The following HEATR1 variants were observed in gnomAD, a reference collection of about 807,000 sequenced individuals.
The protein encoded by HEATR1 is HEAT repeat containing 1, also known as HEAT repeat-containing protein 1.
HEATR1 carries 77 observed loss-of-function variants against 248.2 expected under a neutral mutation model. The ratio of observed to expected loss-of-function variants is 0.31; its 90% CI spans 0.26 to 0.37. The LOEUF (loss-of-function observed/expected upper bound fraction) is 0.37. Among genes scored for constraint, HEATR1 ranks in the 10% least tolerant of loss-of-function variants. The probability of loss-of-function intolerance (pLI) is 1.00; values close to 1 mark genes in which losing one functional copy is unlikely to be tolerated. For synonymous variants in HEATR1, 897 were observed against 923.1 expected, an observed-to-expected ratio of 0.97 and a Z score of 0.51; for missense variants, 2,420 against 2,504.9, an observed-to-expected ratio of 0.97 and a Z score of 0.72.
In HEATR1 at chr1:236,565,968, G is replaced by A; in HGVS notation, c.4386C>T (p.Ser1462=). The A allele has an allele frequency of 6.2e-7, 1 of 1,613,874 alleles. No individual in the cohort carries two copies. The highest frequency in any genetic ancestry group is 8.5e-7 in the Non-Finnish European group (1 of 1,179,854). ...GTAAGTACTGGAGGATATTCATCAA[G>A]CTTTGTATCTGATGCTGGACACTAA... ...CEFSVQHQIQ[S]LMNILQYLLK... The change falls in exon 31 of 45, where the codon AGC becomes AGT. Residue 1462 remains serine (S), a synonymous_variant. Coordinates refer to ENST00000366582, the MANE Select transcript of HEATR1 (RefSeq NM_018072.6).
intron 5 of HEATR1, 85 bp downstream of exon 5, chr1:236,597,793 A>G (rs987037935): frequency 3.7e-6 from 3 of 813,850 alleles, no homozygotes; most frequent in Admixed American, 4.7e-5. Context: ...TATCATTGTT[A>G]TTAGGGAATG....
intron 33 of HEATR1, among the ~76,000 whole-genome samples, chr1:236,560,212 G>GCA (rs897409629): frequency 6.6e-6 from 1 of 151,250 alleles, no homozygotes; most frequent in African/African-American, 2.4e-5. Context: ...GTGTGTGCGC[G>GCA]CACACACACA....
At position 236,566,883 on chromosome 1, in the gene HEATR1, A is replaced by G; in HGVS notation, c.4078-7T>C. 1 of 1,585,848 alleles carries G rather than the reference A, an allele frequency of 6.3e-7. No homozygotes were observed. The highest frequency in any genetic ancestry group is 8.7e-7 in the Non-Finnish European group (1 of 1,154,394). ...TAGAATCTCCACTATCAGACTGCAAAACAGCAAGCAGAGACAATGAGTAGG... is the reference window on the plus strand; with the variant it reads ...TAGAATCTCCACTATCAGACTGCAAGACAGCAAGCAGAGACAATGAGTAGG... On this transcript the variant is annotated splice_polypyrimidine_tract_variant and splice_region_variant and intron_variant, in intron 29 of 44. Transcript: ENST00000366582.
At chr1:236,581,731 G>A (rs1663748000) in intron 19 of HEATR1, among the ~76,000 whole-genome samples, 1 of 152,190 alleles carries the variant, frequency 6.6e-6, no homozygotes. Context: ...GTCAAATGCT[G>A]TAGAGAGAAC....
intron 10 of HEATR1, 79 bp downstream of exon 10, chr1:236,592,444 T>C: frequency 1.4e-6 from 1 of 705,688 alleles, no homozygotes; most frequent in Non-Finnish European, 2.5e-6. Flanking sequence ...ATTCAGTATA[T>C]TAAGATGTGA....
intron 5 of HEATR1, 123 bp from the exon 6 acceptor site, chr1:236,597,099 T>G: frequency 1.4e-6 from 1 of 694,224 alleles, no homozygotes; most frequent in Non-Finnish European, 2.1e-6. Context: ...TACTCTAGCC[T>G]GGGCGACAAA....
Position 236,570,265 on chromosome 1 carries a change from G to A in HEATR1, c.3948+1086C>T, listed in dbSNP as rs182957055. On this transcript the variant is annotated intron_variant, in intron 28 of 44. Coordinates refer to ENST00000366582, the MANE Select transcript of HEATR1 (RefSeq NM_018072.6). ...GATCGCGCCACTGCACTCCAGCCTC[G>A]GCAACAGAGCGAGACTCCGTCTCAA... is the stretch of plus-strand genomic sequence containing the variant. Among the ~76,000 whole-genome samples the A allele has an allele frequency of 1.9e-4, 29 of 152,266 alleles. No homozygotes were observed. The East Asian group carries it at 2.5e-3, about 13-fold the overall frequency.
At position 236,595,683 on chromosome 1, in the gene HEATR1, A is replaced by C; in HGVS notation, c.957-10T>G. ...TAAGTGAGGGAATGGCCTTTGAAGAAGCAAAAGTACATATCGTGTTGACTT... is the reference window on the plus strand; with the variant it reads ...TAAGTGAGGGAATGGCCTTTGAAGACGCAAAAGTACATATCGTGTTGACTT... On this transcript the variant is annotated splice_polypyrimidine_tract_variant and intron_variant, in intron 7 of 44. Coordinates refer to ENST00000366582, the MANE Select transcript of HEATR1 (RefSeq NM_018072.6). The C allele has an allele frequency of 6.2e-7, 1 of 1,608,994 alleles. No homozygotes were observed. The highest frequency in any genetic ancestry group is 1.1e-5 in the South Asian group (1 of 89,964).
intron 11 of HEATR1, among the ~76,000 whole-genome samples, chr1:236,591,529 C>T (rs755032956): frequency 6.6e-6 from 1 of 152,166 alleles, no homozygotes; most frequent in African/African-American, 2.4e-5. Context: ...AAATGTCTAA[C>T]CTCTAGTATA....
intron 8 of HEATR1, 130 bp from the exon 9 acceptor site, chr1:236,594,244 T>C (rs1664117459): frequency 5.3e-6 from 3 of 571,258 alleles, no homozygotes; most frequent in African/African-American, 1.9e-5. Context: ...TTTTATCTAT[T>C]TGCACAAGTG....
In HEATR1 at chr1:236,569,400, C is replaced by G. The variant is rs550651878; in HGVS notation, c.3949-276G>C. 6.2e-4 allele frequency among the ~76,000 whole-genome samples: 94 copies of G among 152,068 alleles called. 2 individuals carry two copies. The highest frequency in any genetic ancestry group is 6.8e-3 in the Middle Eastern group (2 of 294). On this transcript the variant is annotated intron_variant, in intron 28 of 44. Transcript: ENST00000366582. ...GTCTCACTATGTTACCCAGGCTGGT[C>G]TTGAACTCCCAGGCTGGTCTTGAAC...
At chr1:236,603,016 A>G in intron 3 of HEATR1, 144 bp downstream of exon 3, 2 of 619,486 alleles carry the variant, frequency 3.2e-6, no homozygotes, top group Non-Finnish European at 5.7e-6. Flanking sequence ...GCAGAAGAGC[A>G]TGCTTATCTC....
intron 20 of HEATR1, among the ~76,000 whole-genome samples, chr1:236,580,703 G>C (rs1349453436): frequency 6.6e-6 from 1 of 151,600 alleles, no homozygotes; most frequent in Non-Finnish European, 1.5e-5. Context: ...TTTTTGTAGA[G>C]GCAGGATCTC....
chr1:236,586,334 CATT>C lies in HEATR1; in HGVS notation c.1831_1833del (p.Asn611del), dbSNP rs780910106. ...TTCATCTCAGCAGATTCCGTATCAT[CATT>C]ATTGATAACCATAAATGGCAGCAAA... On this transcript the variant is annotated inframe_deletion, in exon 15 of 45. Transcript: ENST00000366582. The C allele has an allele frequency of 8.1e-6, 13 of 1,612,918 alleles. No homozygotes were observed. The highest frequency in any genetic ancestry group is 1.3e-5 in the African/African-American group (1 of 74,880).
At position 236,571,809 on chromosome 1, in the gene HEATR1, T is replaced by C; in HGVS notation, c.3708-123A>G. On this transcript the variant is annotated intron_variant, in intron 26 of 44. Transcript: ENST00000366582. ...CTCATTCAATAAGGAATAACTAAAA[T>C]ACTATCATTAAACATCAAGTCTAGA... 3 of 692,254 alleles carry C rather than the reference T, an allele frequency of 4.3e-6. No individual in the cohort carries two copies. In the South Asian group the frequency reaches 5.1e-5, roughly 12 times the overall value. The allele number at this position is 692,254 out of a possible 1,614,324, so 42.9% of individuals were successfully genotyped here.
intron 15 of HEATR1, 71 bp from the exon 16 acceptor site, chr1:236,586,012 G>T: frequency 6.4e-7 from 1 of 1,551,456 alleles, no homozygotes; most frequent in South Asian, 1.1e-5. Flanking sequence ...AAGAATTCAG[G>T]CAAACATTTT....
intron 23 of HEATR1, 84 bp downstream of exon 23, chr1:236,574,574 CTTT>C: frequency 1.8e-6 from 2 of 1,096,454 alleles, no homozygotes; most frequent in African/African-American, 1.6e-5. Context: ...AAATATTAAT[CTTT>C]TTTTTTTTAA....
At position 236,576,238 on chromosome 1, in the gene HEATR1, A is replaced by T. The variant is rs1344332024; in HGVS notation, c.3065T>A (p.Leu1022His). The change falls in exon 22 of 45, where the codon CTT becomes CAT. Residue 1022 changes from leucine (L) to histidine (H), a missense_variant. Transcript: ENST00000366582. ...ACATACCTCACCGTTGACTCCCTGA[A>T]GTACTTTCATCAAATCTTTTGCTAT... ...SYIAKDLMKVLQGVNGEMVLS... is the reference protein window; with the variant it reads ...SYIAKDLMKVHQGVNGEMVLS... 6.2e-7 allele frequency: 1 copy of T among 1,602,782 alleles called. No homozygotes were observed.
intron 44 of HEATR1, 74 bp downstream of exon 44, chr1:236,551,925 T>C (rs974939230): frequency 5.6e-5 from 54 of 963,024 alleles, no homozygotes; most frequent in Non-Finnish European, 8.0e-5. Context: ...TGCATTATCA[T>C]TGGGCACATT....
Sources: allele counts gnomAD v4.1 joint callset (sites outside exome capture counted in the v4.1 genomes callset), GRCh38; gene constraint gnomAD v4.1.1; transcripts MANE v1.5; gene names NCBI Gene and HGNC (gene_info 2026-07-23, HGNC 2026-07-21).